The following PCDH7 variants were observed in gnomAD, a reference collection of about 807,000 sequenced individuals.
PCDH7 encodes the protein protocadherin 7, also known as protocadherin-7.
Under a neutral mutation model 58.9 loss-of-function variants are expected in PCDH7, and 17 were observed. That is an observed-to-expected ratio of 0.29 (90% confidence interval 0.20 to 0.43). PCDH7 has a LOEUF of 0.43. PCDH7 is among the 20% of genes least tolerant of loss of function. PCDH7 has a pLI of 1.00. For synonymous variants in PCDH7, 664 were observed against 616.4 expected (o/e 1.08, Z -1.14); for missense variants, 1,274 against 1,441.0 (o/e 0.88, Z 1.88).
chr4:30,863,842 A>C (rs1734522563), intron 1 of PCDH7, among the ~76,000 whole-genome samples: 1 of 152,098 alleles, frequency 6.6e-6, no homozygotes, highest in South Asian at 2.1e-4. Flanking sequence ...ATAATTGTGT[A>C]TTCTGTGCAG....
chr4:30,964,243 T>A lies in PCDH7; in HGVS notation c.*7+14028T>A, dbSNP rs201570599. 3.8e-4 allele frequency among the ~76,000 whole-genome samples: 16 copies of A among 42,600 alleles called. No homozygotes were observed. In the East Asian group the frequency reaches 5.4e-3, roughly 14 times the overall value. 27.9% of individuals were successfully genotyped at this position (42,600 alleles called of 152,430 possible). ...GTAGTTTTATTTATTTATTTATTTA[T>A]TTATTTATTTTTTTTTGAGATGAAA... On this transcript the variant is annotated intron_variant, in intron 3 of 3. Coordinates refer to the PCDH7 transcript ENST00000509759.
chr4:31,037,081 G>C (rs1005660089), intron 3 of PCDH7, among the ~76,000 whole-genome samples: 1 of 152,086 alleles, frequency 6.6e-6, no homozygotes, highest in African/African-American at 2.4e-5. Flanking sequence ...ATTTGGGTGG[G>C]AACATAGCCA....
At chr4:30,898,824 C>G (rs570820889) in intron 1 of PCDH7, among the ~76,000 whole-genome samples, 103 of 152,282 alleles carry the variant, frequency 6.8e-4, no homozygotes, top group African/African-American at 2.4e-3. Context: ...ATCTCCTAAC[C>G]TCGTGATCCG....
At chr4:30,954,479 T>C (rs1280118344) in intron 3 of PCDH7, among the ~76,000 whole-genome samples, 1 of 152,156 alleles carries the variant, frequency 6.6e-6, no homozygotes, top group Non-Finnish European at 1.5e-5. Context: ...CCTCTGCTTT[T>C]TGACATTCAG....
chr4:30,993,935 G>A (rs1456437392), intron 3 of PCDH7, among the ~76,000 whole-genome samples: 1 of 152,006 alleles, frequency 6.6e-6, no homozygotes, highest in Non-Finnish European at 1.5e-5. Flanking sequence ...GTGTAAGTCT[G>A]GAGACCAGAA....
rs73213194 is a variant in PCDH7 at position 30,805,568 on chromosome 4, G to T, written c.70+80972G>T. 5.9e-3 allele frequency among the ~76,000 whole-genome samples: 894 copies of T among 152,228 alleles called. 4 individuals carry two copies. Among genetic ancestry groups the T allele is most frequent in the Middle Eastern group, 0.02 (6 of 294 alleles). On this transcript the variant is annotated intron_variant, in intron 1 of 3. Transcript: ENST00000509759. ...GTATTACAAACATAATAGAGCAAAAGTAAAATCATGGATTATTTCCCTCTC... is the reference window on the plus strand; with the variant it reads ...GTATTACAAACATAATAGAGCAAAATTAAAATCATGGATTATTTCCCTCTC...
chr4:31,053,691 G>A (rs1198914051), intron 3 of PCDH7, among the ~76,000 whole-genome samples: 2 of 152,024 alleles, frequency 1.3e-5, no homozygotes, highest in Non-Finnish European at 2.9e-5. Context: ...CCTCTGCATG[G>A]TACACTCACT....
At chr4:30,980,362 G>T (rs146820555) in intron 3 of PCDH7, among the ~76,000 whole-genome samples, 1 of 152,206 alleles carries the variant, frequency 6.6e-6, no homozygotes, top group African/African-American at 2.4e-5. Flanking sequence ...TTTTGTGTGT[G>T]TGTCTGTTTC....
chr4:31,069,616 T>C (rs902108334), intron 3 of PCDH7, among the ~76,000 whole-genome samples: 3 of 152,044 alleles, frequency 2.0e-5, no homozygotes, highest in African/African-American at 7.2e-5. Flanking sequence ...TTTTGCATAA[T>C]GTTTATGGAT....
rs144721547 is a variant in PCDH7, at chr4:30,788,814, C to T, written c.70+64218C>T. Among the ~76,000 whole-genome samples, 1,283 of 152,212 alleles carry T rather than the reference C, an allele frequency of 8.4e-3. 21 individuals are homozygous for T. Among genetic ancestry groups the T allele is most frequent in the African/African-American group, 0.028 (1,183 of 41,514 alleles). ...CCACTAAACAGCCAGACATGAGGGA[C>T]ACATTTTTTGAGTTCATGGGTATTC... On this transcript the variant is annotated intron_variant, in intron 1 of 3. Coordinates refer to the PCDH7 transcript ENST00000509759.
chr4:30,728,308 G>A (rs954201648), intron 1 of PCDH7, among the ~76,000 whole-genome samples: 1 of 151,056 alleles, frequency 6.6e-6, no homozygotes, highest in Non-Finnish European at 1.5e-5. Flanking sequence ...GAGAGAGAGA[G>A]AGAGAGAGAG....
At chr4:30,902,321 A>G (rs1675221264) in intron 1 of PCDH7, among the ~76,000 whole-genome samples, 1 of 152,054 alleles carries the variant, frequency 6.6e-6, no homozygotes, top group Non-Finnish European at 1.5e-5. Context: ...TTCTTTGTCA[A>G]ACTGAGTGCA....
chr4:31,044,202 A>G (rs991388529), intron 3 of PCDH7, among the ~76,000 whole-genome samples: 2 of 150,190 alleles, frequency 1.3e-5, no homozygotes, highest in Admixed American at 6.6e-5. Flanking sequence ...AGGGGGCTGG[A>G]AAGAAATTAG....
intron 3 of PCDH7, among the ~76,000 whole-genome samples, chr4:30,966,945 A>C (rs1749050269): frequency 6.6e-6 from 1 of 152,130 alleles, no homozygotes; most frequent in African/African-American, 2.4e-5. Context: ...GCAATGCATC[A>C]ACTTCTCTAT....
At chr4:30,769,234 C>T (rs745373839) in intron 1 of PCDH7, among the ~76,000 whole-genome samples, 31 of 152,196 alleles carry the variant, frequency 2.0e-4, no homozygotes, top group Non-Finnish European at 4.3e-4. Context: ...ACTTCCTGCA[C>T]GCAGCTAGTG....
intron 3 of PCDH7, among the ~76,000 whole-genome samples, chr4:30,972,967 G>A (rs551808425): frequency 6.6e-6 from 1 of 152,260 alleles, no homozygotes; most frequent in South Asian, 2.1e-4. Flanking sequence ...CTTCCTAGAT[G>A]AGGAATAAAT....
intron 3 of PCDH7, among the ~76,000 whole-genome samples, chr4:30,983,606 G>A (rs1750742381): frequency 6.6e-6 from 1 of 152,130 alleles, no homozygotes; most frequent in South Asian, 2.1e-4. Context: ...AATAGTGTTG[G>A]AGGGATTACT....
rs955123185 is a variant in PCDH7, at chr4:30,722,616, G to A, written c.1194G>A (p.Lys398=). The A allele has an allele frequency of 3.0e-5, 49 of 1,613,264 alleles. No individual in the cohort carries two copies. The highest frequency in any genetic ancestry group is 4.1e-5 in the Non-Finnish European group (48 of 1,180,046). The change falls in exon 1 of 2, where the codon AAG becomes AAA. Residue 398 remains lysine (K), a synonymous_variant. Transcript: ENST00000361762. This position sits in a 1 kb window ranked among gnomAD's most constrained non-coding sequence, Gnocchi z 7.6. ...GCGGGCAGCCCCCCAAGACCGACAA[G>A]GCCACCGTGGTCCTTAACATCAAAG...
chr4:31,096,923 GTGTGT>G (rs1714072416), intron 3 of PCDH7, among the ~76,000 whole-genome samples: 2 of 95,410 alleles, frequency 2.1e-5, no homozygotes, highest in South Asian at 9.1e-4. Flanking sequence ...GTGTGTGTGT[GTGTGT>G]TGTGAATAAG....
Sources: gnomAD v4.1 joint callset for allele counts (sites outside exome capture counted in the v4.1 genomes callset) on GRCh38, gnomAD v4.1.1 for gene constraint, Gnocchi (gnomAD v3.1) non-coding constraint, MANE v1.5 for transcripts, NCBI Gene and HGNC (gene_info 2026-07-23, HGNC 2026-07-21) for gene names.